Variants in PALS2 observed in about 807,000 individuals in gnomAD.
PALS2 encodes the protein protein PALS2.
A neutral mutation model predicts 61.6 loss-of-function variants in PALS2; 27 were observed. The ratio of observed to expected loss-of-function variants is 0.44; its 90% CI spans 0.32 to 0.60. PALS2 has a LOEUF of 0.60. PALS2 is among the 20% of genes least tolerant of loss of function. The pLI is 0.05. For missense variants in PALS2, 554 were observed against 639.4 expected, an observed-to-expected ratio of 0.87 and a Z score of 1.44; for synonymous variants, 236 against 218.6, an observed-to-expected ratio of 1.08 and a Z score of -0.70.
rs559846581 is a variant in PALS2, at chr7:24,640,619, A to G, written c.118-1097A>G. The stretch of plus-strand genomic sequence containing the variant: ...CAGAATTGTATAGCAACCATTTATC[A>G]GAAAAGCAAGGAATGCTTAAAAGTT... On this transcript the variant is annotated intron_variant, in intron 2 of 11. Coordinates refer to ENST00000222644, the MANE Select transcript of PALS2 (RefSeq NM_001303037.2). Among the ~76,000 whole-genome samples the G allele has an allele frequency of 2.2e-3, 329 of 152,356 alleles. 2 individuals are homozygous for G. The highest frequency in any genetic ancestry group is 7.7e-3 in the African/African-American group (320 of 41,588).
At position 24,665,597 on chromosome 7, in the gene PALS2, G is replaced by C; in HGVS notation, c.793G>C (p.Val265Leu). The C allele has an allele frequency of 6.2e-7, 1 of 1,613,576 alleles. No homozygotes were observed. The highest frequency in any genetic ancestry group is 8.5e-7 in the Non-Finnish European group (1 of 1,179,618). ...EDPNWWQASH[V>L]KEGGSAGLIP... The stretch of plus-strand genomic sequence containing the variant: ...ATTAATTTGATTCTAGGCTAGCCAT[G>C]TAAAAGAGGGAGGAAGCGCTGGTCT... The change falls in exon 7 of 12, where the codon GTA (valine) becomes CTA (leucine). Residue 265 changes from valine to leucine, a missense_variant. By Grantham distance (32) the Val-to-Leu change is conservative. Coordinates refer to ENST00000222644, the MANE Select transcript of PALS2 (RefSeq NM_001303037.2).
intron 1 of PALS2, among the ~76,000 whole-genome samples, chr7:24,578,750 C>G (rs757735447): frequency 4.6e-5 from 7 of 152,206 alleles, no homozygotes; most frequent in Admixed American, 1.3e-4. Flanking sequence ...CTTGCTGTAA[C>G]CACATGTAAT....
chr7:24,619,123 C>G (rs966131544), intron 1 of PALS2, among the ~76,000 whole-genome samples: 1 of 152,108 alleles, frequency 6.6e-6, no homozygotes, highest in African/African-American at 2.4e-5. Context: ...AAATTTTGGT[C>G]TTTCGTGATC....
At chr7:24,674,028 G>T (rs930840654) in intron 9 of PALS2, among the ~76,000 whole-genome samples, 16 of 151,834 alleles carry the variant, frequency 1.1e-4, no homozygotes, top group Admixed American at 8.5e-4. Flanking sequence ...TAGGTTCAAT[G>T]ATACATGTCT....
At chr7:24,686,861 C>T (rs952367419) in intron 11 of PALS2, among the ~76,000 whole-genome samples, 1 of 152,152 alleles carries the variant, frequency 6.6e-6, no homozygotes, top group Non-Finnish European at 1.5e-5. Context: ...TCCAAAATGA[C>T]TAAAATTACT....
intron 2 of PALS2, 185 bp downstream of exon 2, chr7:24,623,969 C>G (rs1257985318): frequency 9.4e-7 from 1 of 1,068,030 alleles, no homozygotes. Flanking sequence ...CTTTTCTACT[C>G]TGACTTTAAA....
chr7:24,687,471 G>A lies in PALS2; in HGVS notation c.1480G>A (p.Ala494Thr). 1 of 1,611,232 alleles carries A rather than the reference G, an allele frequency of 6.2e-7. No individual in the cohort carries two copies. The highest frequency in any genetic ancestry group is 8.5e-7 in the Non-Finnish European group (1 of 1,179,166). ...CTTGAAGAAAACAGTGGATGAAAGT[G>A]CACGGATTCAGAGAGCATACAACCA... The part of the protein sequence containing the change: ...SDLKKTVDES[A>T]RIQRAYNHYF... The change falls in exon 12 of 12, where the codon GCA becomes ACA. Residue 494 changes from alanine to threonine, a missense_variant. Coordinates refer to ENST00000222644, the MANE Select transcript of PALS2 (RefSeq NM_001303037.2). The surrounding 1 kb of genome is among the most constrained non-coding windows in gnomAD (Gnocchi z 4.5).
intron 6 of PALS2, among the ~76,000 whole-genome samples, chr7:24,665,294 AG>A (rs1278141483): frequency 1.3e-5 from 2 of 152,230 alleles, no homozygotes; most frequent in African/African-American, 4.8e-5. Flanking sequence ...TATTTAGAAT[AG>A]CATTTTCCTT....
intron 1 of PALS2, among the ~76,000 whole-genome samples, chr7:24,608,043 G>A (rs1032846593): frequency 1.3e-5 from 2 of 152,028 alleles, no homozygotes; most frequent in African/African-American, 4.8e-5. Flanking sequence ...ATACATGTGT[G>A]TTTATATACA....
intron 1 of PALS2, among the ~76,000 whole-genome samples, chr7:24,604,854 C>CT (rs1783841399): frequency 6.6e-6 from 1 of 152,168 alleles, no homozygotes; most frequent in Non-Finnish European, 1.5e-5. Flanking sequence ...GGGACACAAA[C>CT]GCCTAGGCCA....
intron 11 of PALS2, among the ~76,000 whole-genome samples, chr7:24,681,725 C>T (rs1206235881): frequency 1.3e-5 from 2 of 152,100 alleles, no homozygotes; most frequent in African/African-American, 2.4e-5. Context: ...CCATTACAAC[C>T]AAAATAATGA....
intron 9 of PALS2, among the ~76,000 whole-genome samples, chr7:24,674,805 G>A (rs1787475149): frequency 6.6e-6 from 1 of 151,996 alleles, no homozygotes; most frequent in Admixed American, 6.5e-5. Context: ...TTATTTTAGG[G>A]AGATGGGCTA....
At chr7:24,681,488 A>G (rs181941825) in intron 11 of PALS2, among the ~76,000 whole-genome samples, 28 of 151,460 alleles carry the variant, frequency 1.8e-4, no homozygotes, top group Non-Finnish European at 2.4e-4. Context: ...GTATCTTACT[A>G]TCATCTACAT....
intron 11 of PALS2, among the ~76,000 whole-genome samples, chr7:24,685,887 C>T (rs1468022348): frequency 1.3e-5 from 2 of 152,144 alleles, no homozygotes; most frequent in Non-Finnish European, 2.9e-5. Flanking sequence ...CCATCAACAT[C>T]ATTTACATTC....
At chr7:24,674,645 A>T (rs895141140) in intron 9 of PALS2, 3 of 152,106 alleles carry the variant, frequency 2.0e-5, no homozygotes, top group Admixed American at 6.6e-5. Flanking sequence ...TTCACTTGTG[A>T]TTGCTTGTTT....
intron 2 of PALS2, among the ~76,000 whole-genome samples, chr7:24,639,267 A>T (rs1486468789): frequency 6.6e-6 from 1 of 152,364 alleles, no homozygotes; most frequent in African/African-American, 2.4e-5. Context: ...GCTTTAATAG[A>T]TGAGAGTTCA....
chr7:24,637,246 G>A (rs1785280589), intron 2 of PALS2, among the ~76,000 whole-genome samples: 1 of 137,720 alleles, frequency 7.3e-6, no homozygotes, highest in Non-Finnish European at 1.5e-5. Flanking sequence ...TTTCTGATAT[G>A]TTCTTTACTC....
At chr7:24,622,383 A>G (rs1784556024) in intron 1 of PALS2, among the ~76,000 whole-genome samples, 1 of 151,934 alleles carries the variant, frequency 6.6e-6, no homozygotes, top group Non-Finnish European at 1.5e-5. Flanking sequence ...ATTTTGTACT[A>G]CTTCTGTTAC....
Position 24,579,124 on chromosome 7 carries a change from A to G in PALS2, c.-3+5531A>G, listed in dbSNP as rs188497088. On this transcript the variant is annotated intron_variant, in intron 1 of 11. Coordinates refer to ENST00000222644, the MANE Select transcript of PALS2 (RefSeq NM_001303037.2). ...ACCATCAAGTGGGCAAAGATCATGA[A>G]CAGAGTAATTCTCAGAAAAGGAAAT... Among the ~76,000 whole-genome samples the G allele has an allele frequency of 2.7e-3, 414 of 152,370 alleles. 2 individuals are homozygous for G. Among genetic ancestry groups the G allele is most frequent in the African/African-American group, 9.1e-3 (377 of 41,588 alleles).
Sources: gnomAD v4.1 joint callset for allele counts (sites outside exome capture counted in the v4.1 genomes callset) on GRCh38, gnomAD v4.1.1 for gene constraint, Gnocchi (gnomAD v3.1) non-coding constraint, MANE v1.5 for transcripts, NCBI Gene and HGNC (gene_info 2026-07-23, HGNC 2026-07-21) for gene names.